RMND5A: variants seen among roughly 807,000 people sequenced by gnomAD.
The protein encoded by RMND5A is required for meiotic nuclear division 5 homolog A, also known as E3 ubiquitin-protein transferase RMND5A.
A neutral mutation model predicts 49.7 loss-of-function variants in RMND5A; 17 were observed. The observed-to-expected ratio is 0.34, with a 90% confidence interval of 0.23 to 0.51. The LOEUF (loss-of-function observed/expected upper bound fraction) is 0.51. Ranked by LOEUF, RMND5A falls within the 20% of genes least tolerant of loss-of-function variation. RMND5A has a pLI of 0.96. For synonymous variants in RMND5A, 156 were observed against 167.7 expected, an observed-to-expected ratio of 0.93 and a Z score of 0.54; for missense variants, 255 against 471.3, an observed-to-expected ratio of 0.54 and a Z score of 4.25.
At chr2:86,742,582 T>G (rs1294302764) in intron 2 of RMND5A, among the ~76,000 whole-genome samples, 1 of 151,092 alleles carries the variant, frequency 6.6e-6, no homozygotes, top group Non-Finnish European at 1.5e-5. Flanking sequence ...TTCTAGAATG[T>G]GATGGGGCAC....
chr2:86,775,238 G>A lies in RMND5A; in HGVS notation c.*1827G>A, dbSNP rs1049449490. 2 of 151,804 alleles carry A rather than the reference G, an allele frequency of 1.3e-5. No homozygotes were observed. The highest frequency in any genetic ancestry group is 4.8e-5 in the African/African-American group (2 of 41,300). The allele number at this position is 151,804 out of a possible 1,614,324, so 9.4% of individuals were successfully genotyped here. A position where few individuals can be genotyped will look rare whatever the true frequency, so the allele number is the denominator to read the frequency against. On this transcript the variant is annotated 3_prime_UTR_variant, in exon 9 of 9. Transcript: ENST00000283632. ...TGAAAGAGAAGGTAGAGAATTCCAG[G>A]CAACAGTCTGACCAAGGGTGTAAAC...
chr2:86,769,057 C>T (rs1157822952), intron 6 of RMND5A, among the ~76,000 whole-genome samples: 1 of 152,184 alleles, frequency 6.6e-6, no homozygotes, highest in East Asian at 1.9e-4. Flanking sequence ...CCCACCTCAG[C>T]CTGCTCAGTA....
At chr2:86,751,481 T>C (rs1296079578) in intron 2 of RMND5A, among the ~76,000 whole-genome samples, 4 of 152,194 alleles carry the variant, frequency 2.6e-5, no homozygotes, top group Non-Finnish European at 4.4e-5. Context: ...ACTGCAGTTG[T>C]TGGGATGTGC....
chr2:86,760,087 C>T (rs1672420214), intron 4 of RMND5A, among the ~76,000 whole-genome samples: 1 of 151,840 alleles, frequency 6.6e-6, no homozygotes, highest in Non-Finnish European at 1.5e-5. Flanking sequence ...TCTTGTTGCC[C>T]AGGCTGGAGT....
chr2:86,756,263 T>C (rs13383116), intron 4 of RMND5A, among the ~76,000 whole-genome samples: 1,929 of 152,064 alleles, frequency 0.013, 47 homozygotes, highest in African/African-American at 0.044. Flanking sequence ...TATGGTGGTG[T>C]ACGCCTGTAG....
rs114330609 is a variant in RMND5A, at chr2:86,753,217, C to T, written c.421-241C>T. ...CATATTTATGTTTCATTGGTCAGAA[C>T]TTAACGTCTTACAAAGCCATACCCA... is the stretch of plus-strand genomic sequence containing the variant. On this transcript the variant is annotated intron_variant, in intron 3 of 8. Coordinates refer to ENST00000283632, the MANE Select transcript of RMND5A (RefSeq NM_022780.4). 3.2e-3 allele frequency among the ~76,000 whole-genome samples: 487 copies of T among 152,258 alleles called. 4 individuals carry two copies. The highest frequency in any genetic ancestry group is 0.011 in the African/African-American group (452 of 41,552).
chr2:86,743,099 TG>T (rs1681477971), intron 2 of RMND5A, among the ~76,000 whole-genome samples: 1 of 152,202 alleles, frequency 6.6e-6, no homozygotes, highest in Non-Finnish European at 1.5e-5. Context: ...TTGCTCCTGG[TG>T]CCTGGCTGAG....
chr2:86,776,912 A>G lies in RMND5A; in HGVS notation c.*3501A>G, dbSNP rs941064097. On this transcript the variant is annotated 3_prime_UTR_variant, in exon 9 of 9. Transcript: ENST00000283632. ...AATGTTAGCAAGGAACACATAGAAG[A>G]TTTGGTGTTTCATAAGCCTGTCTAG... 1.3e-5 allele frequency: 2 copies of G among 152,218 alleles called. No individual in the cohort carries two copies. Among genetic ancestry groups the G allele is most frequent in the Non-Finnish European group, 2.9e-5 (2 of 68,044 alleles). The allele number at this position is 152,218 out of a possible 1,614,324, so 9.4% of individuals were successfully genotyped here.
intron 4 of RMND5A, among the ~76,000 whole-genome samples, 176 bp downstream of exon 4, chr2:86,753,734 A>G (rs1343539355): frequency 6.6e-6 from 1 of 152,218 alleles, no homozygotes; most frequent in Non-Finnish European, 1.5e-5. Context: ...GGGGTGTGCA[A>G]TATGAGAAAA....
chr2:86,755,886 T>C (rs1343589338), intron 4 of RMND5A, among the ~76,000 whole-genome samples: 1 of 152,214 alleles, frequency 6.6e-6, no homozygotes, highest in African/African-American at 2.4e-5. Context: ...TTAACTCTGC[T>C]TGAGTGGTTA....
At chr2:86,742,328 C>A (rs1558720207) in intron 2 of RMND5A, among the ~76,000 whole-genome samples, 1 of 151,948 alleles carries the variant, frequency 6.6e-6, no homozygotes, top group Non-Finnish European at 1.5e-5. Context: ...GAGATTGTGA[C>A]TGGGGAGATT....
intron 6 of RMND5A, among the ~76,000 whole-genome samples, chr2:86,766,411 A>G (rs1672592451): frequency 6.6e-6 from 1 of 152,142 alleles, no homozygotes; most frequent in South Asian, 2.1e-4. Flanking sequence ...CACGTCTGTA[A>G]TCTCAGCATT....
chr2:86,771,668 T>C lies in RMND5A; in HGVS notation c.1068T>C (p.His356=). The C allele has an allele frequency of 6.2e-7, 1 of 1,613,722 alleles. No individual in the cohort carries two copies. Among genetic ancestry groups the C allele is most frequent in the South Asian group, 1.1e-5 (1 of 91,028 alleles). ...NNPPMKLVCG[H]IISRDALNKM... ...CACCCATGAAATTGGTCTGTGGTCA[T>C]ATTATATCAAGAGATGCCCTGAATA... The change falls in exon 8 of 9, where the codon CAT becomes CAC. Residue 356 remains histidine (H), a synonymous_variant. Transcript: ENST00000283632.
intron 2 of RMND5A, among the ~76,000 whole-genome samples, chr2:86,747,827 C>T (rs1210192056): frequency 4.6e-5 from 7 of 152,048 alleles, no homozygotes; most frequent in African/African-American, 7.2e-5. Flanking sequence ...CTGTTTAGAT[C>T]GCACACTTTC....
intron 2 of RMND5A, among the ~76,000 whole-genome samples, chr2:86,743,740 C>CT (rs1324978521): frequency 6.6e-6 from 1 of 152,078 alleles, no homozygotes; most frequent in African/African-American, 2.4e-5. Context: ...AATCCCAGCA[C>CT]TTTGGGAGGC....
Position 86,777,159 on chromosome 2 carries a change from T to C in RMND5A, c.*3748T>C, listed in dbSNP as rs546042541. 1 of 152,264 alleles carries C rather than the reference T, an allele frequency of 6.6e-6. No individual in the cohort carries two copies. Among genetic ancestry groups the C allele is most frequent in the East Asian group, 1.9e-4 (1 of 5,180 alleles). The allele number at this position is 152,264 out of a possible 1,614,324, so 9.4% of individuals were successfully genotyped here. A position where few individuals can be genotyped will look rare whatever the true frequency, so the allele number is the denominator to read the frequency against. ...TGTTTTCAAGACATTTCCACTGCAG[T>C]TTCAAGCTGTAGTGGGCATATGCTT... is the stretch of plus-strand genomic sequence containing the variant. On this transcript the variant is annotated 3_prime_UTR_variant, in exon 9 of 9. Transcript: ENST00000283632.
At chr2:86,769,633 A>G (rs144142324) in intron 6 of RMND5A, among the ~76,000 whole-genome samples, 187 of 148,168 alleles carry the variant, frequency 1.3e-3, no homozygotes, top group Non-Finnish European at 2.3e-3. Context: ...TTATTTTTCT[A>G]TTTTCTGAGG....
chr2:86,743,917 G>T (rs1307440959), intron 2 of RMND5A, among the ~76,000 whole-genome samples: 2 of 151,192 alleles, frequency 1.3e-5, no homozygotes, highest in South Asian at 2.1e-4. Flanking sequence ...GGCGGAGGTT[G>T]CAGTGAGTCG....
intron 4 of RMND5A, among the ~76,000 whole-genome samples, chr2:86,756,892 G>A (rs1054214181): frequency 4.6e-5 from 7 of 152,150 alleles, no homozygotes; most frequent in Admixed American, 3.3e-4. Context: ...GAGGTGGCTA[G>A]GCCGGGCACG....
Sources: gnomAD v4.1 joint callset for allele counts (sites outside exome capture counted in the v4.1 genomes callset) on GRCh38, gnomAD v4.1.1 for gene constraint, MANE v1.5 for transcripts, NCBI Gene and HGNC (gene_info 2026-07-23, HGNC 2026-07-21) for gene names.